The following TIAM1 variants were observed in gnomAD, a reference collection of about 807,000 sequenced individuals.
TIAM1 encodes TIAM Rac1 associated GEF 1.
In TIAM1, 65 loss-of-function variants were observed where a neutral mutation model predicts 163.5. The observed-to-expected ratio is 0.40, with a 90% CI of 0.33 to 0.49. TIAM1 has a LOEUF of 0.49. Ranked by LOEUF, TIAM1 falls within the 20% of genes least tolerant of loss-of-function variation. The pLI is 0.77. For missense variants in TIAM1, 1,789 were observed against 2,044.7 expected (o/e 0.87, Z 2.41); for synonymous variants, 833 against 810.1 (o/e 1.03, Z -0.48).
At chr21:31,358,776 T>A (rs1256596652) in intron 2 of TIAM1, among the ~76,000 whole-genome samples, 1 of 152,174 alleles carries the variant, frequency 6.6e-6, no homozygotes, top group East Asian at 1.9e-4. Flanking sequence ...CTGTTTCCAC[T>A]CTTGTCCTTC....
chr21:31,293,280 T>C (rs542150860), intron 2 of TIAM1, among the ~76,000 whole-genome samples: 1 of 152,254 alleles, frequency 6.6e-6, no homozygotes, highest in Non-Finnish European at 1.5e-5. Flanking sequence ...ACCTCAGTCT[T>C]CTGTCTTAAG....
intron 1 of TIAM1, among the ~76,000 whole-genome samples, chr21:31,539,273 T>C (rs182226712): frequency 1.3e-5 from 2 of 150,066 alleles, no homozygotes; most frequent in Non-Finnish European, 3.0e-5. Flanking sequence ...GGTTACTCTT[T>C]TTTTTTTTTT....
At chr21:31,160,047 A>G (rs1335998186) in intron 16 of TIAM1, among the ~76,000 whole-genome samples, 4 of 152,260 alleles carry the variant, frequency 2.6e-5, no homozygotes, top group Admixed American at 6.5e-5. Context: ...TCACTCGGAC[A>G]GCCCGTTCTG....
intron 12 of TIAM1, among the ~76,000 whole-genome samples, chr21:31,198,861 C>G (rs923741677): frequency 2.0e-5 from 3 of 152,298 alleles, no homozygotes; most frequent in African/African-American, 7.2e-5. Context: ...GACAGGCCCG[C>G]TGGCCACAAC....
chr21:31,291,215 G>A (rs2074007173), intron 2 of TIAM1, among the ~76,000 whole-genome samples: 1 of 152,090 alleles, frequency 6.6e-6, no homozygotes, highest in South Asian at 2.1e-4. Context: ...AAGAAGCCAA[G>A]AAATTTCAGT....
intron 1 of TIAM1, among the ~76,000 whole-genome samples, chr21:31,506,040 C>T (rs916290925): frequency 2.0e-5 from 3 of 148,888 alleles, no homozygotes; most frequent in South Asian, 2.1e-4. Flanking sequence ...AAGGCTGATG[C>T]GCACAACAGG....
At chr21:31,196,716 G>A (rs988729283) in intron 12 of TIAM1, among the ~76,000 whole-genome samples, 27 of 152,068 alleles carry the variant, frequency 1.8e-4, no homozygotes, top group Non-Finnish European at 1.2e-4. Flanking sequence ...TAGAACTACC[G>A]CTTGACGCAG....
Position 31,339,318 on chromosome 21 carries a change from G to C in TIAM1, c.-264C>G, listed in dbSNP as rs946807126. ...CAGGGACTGCTCACATACTAGGTGA[G>C]AGACTAGGATTCAGAGCATTATGCC... On this transcript the variant is annotated 5_prime_UTR_variant, in exon 2 of 28. Coordinates refer to ENST00000541036, the MANE Select transcript of TIAM1 (RefSeq NM_001353694.2). 8 of 398,500 alleles carry C rather than the reference G, an allele frequency of 2.0e-5. No homozygotes were observed. Among genetic ancestry groups the C allele is most frequent in the Non-Finnish European group, 3.1e-5 (7 of 226,076 alleles). The allele number at this position is 398,500 out of a possible 1,614,324, so 24.7% of individuals were successfully genotyped here.
At chr21:31,452,898 C>T in intron 2 of TIAM1, 1 of 516,696 alleles carries the variant, frequency 1.9e-6, no homozygotes, top group South Asian at 1.4e-5. Context: ...TGACGATGTC[C>T]TGAAGACAGG....
intron 1 of TIAM1, among the ~76,000 whole-genome samples, chr21:31,492,088 G>A (rs1321250806): frequency 6.6e-6 from 1 of 152,102 alleles, no homozygotes; most frequent in Non-Finnish European, 1.5e-5. Context: ...GTATGTATAT[G>A]TATATGCATA....
chr21:31,130,097 A>G (rs397783155), intron 25 of TIAM1, 116 bp downstream of exon 25: 34 of 249,906 alleles, frequency 1.4e-4, no homozygotes, highest in South Asian at 3.3e-4. Context: ...AAGCATAGGG[A>G]AAAAAAAAAA....
chr21:31,301,500 T>C (rs1033194379), intron 2 of TIAM1, among the ~76,000 whole-genome samples: 9 of 152,272 alleles, frequency 5.9e-5, no homozygotes, highest in African/African-American at 2.2e-4. Flanking sequence ...TATCCATCCA[T>C]GCTATCTAGG....
At position 31,130,913 on chromosome 21, in the gene TIAM1, C is replaced by A; in HGVS notation, c.3919G>T (p.Gly1307Cys). 1 of 1,613,960 alleles carries A rather than the reference C, an allele frequency of 6.2e-7. No individual in the cohort carries two copies. Among genetic ancestry groups the A allele is most frequent in the African/African-American group, 1.3e-5 (1 of 75,016 alleles). Residue 1307 changes from glycine to cysteine, a missense_variant, in exon 24 of 28, where the codon GGT becomes TGT. Around this residue, in one of 5 missense-constraint regions of TIAM1, gnomAD observed 415 missense variants for 439.2 expected, o/e 0.94. Coordinates refer to ENST00000541036, the MANE Select transcript of TIAM1 (RefSeq NM_001353694.2). ...KTAVVLVYKD[G>C]SKQKKKLVGS... The stretch of plus-strand genomic sequence containing the variant: ...ACAAGTTTCTTCTTCTGTTTGGAAC[C>A]ATCTTTATACACAAGGACCACAGCA...
At chr21:31,152,844 T>A in intron 18 of TIAM1, 83 bp from the exon 19 acceptor site, 8 of 1,506,248 alleles carry the variant, frequency 5.3e-6, no homozygotes, top group Non-Finnish European at 7.1e-6. Flanking sequence ...AAGGTTTTTC[T>A]ATCAATTCTT....
Position 31,141,039 on chromosome 21 carries a change from T to A in TIAM1, c.3774+79A>T, listed in dbSNP as rs1240746444. 3 of 1,153,290 alleles carry A rather than the reference T, an allele frequency of 2.6e-6. No homozygotes were observed. Among genetic ancestry groups the A allele is most frequent in the East Asian group, 2.6e-5 (1 of 39,084 alleles). The allele number at this position is 1,153,290 out of a possible 1,614,324, so 71.4% of individuals were successfully genotyped here. A position where few individuals can be genotyped will look rare whatever the true frequency, so the allele number is the denominator to read the frequency against. ...ATTTTACTTACAAGTAACACCTTTT[T>A]AAAAAATAAATAAATAAATAAAAGC... On this transcript the variant is annotated intron_variant, in intron 22 of 27. Coordinates refer to ENST00000541036, the MANE Select transcript of TIAM1 (RefSeq NM_001353694.2). This position sits in a 1 kb window ranked among gnomAD's most constrained non-coding sequence, Gnocchi z 4.7.
intron 2 of TIAM1, among the ~76,000 whole-genome samples, chr21:31,388,938 G>T (rs2076924532): frequency 6.6e-6 from 1 of 152,212 alleles, no homozygotes; most frequent in Non-Finnish European, 1.5e-5. Context: ...AGAAGCACTG[G>T]CTCTGCTAAG....
chr21:31,548,490 G>GT lies in TIAM1; in HGVS notation c.-422+10436dup, dbSNP rs760538797. 5.4e-3 allele frequency among the ~76,000 whole-genome samples: 693 copies of GT among 128,696 alleles called. 4 individuals are homozygous for GT. Among genetic ancestry groups the GT allele is most frequent in the African/African-American group, 0.011 (393 of 36,086 alleles). 84.4% of individuals were successfully genotyped at this position (128,696 alleles called of 152,430 possible). A position where few individuals can be genotyped will look rare whatever the true frequency, so the allele number is the denominator to read the frequency against. Reference sequence around the variant, plus strand: ...TTCTCAACCTTAACCTTTTGTTGTTGTTTTTTTTTTTTTTTGAGACGAGAG... The same window carrying GT: ...TTCTCAACCTTAACCTTTTGTTGTTGTTTTTTTTTTTTTTTTGAGACGAGAG... On this transcript the variant is annotated intron_variant, in intron 1 of 28. Transcript: ENST00000286827.
At position 31,489,890 on chromosome 21, in the gene TIAM1, G is replaced by A. The variant is rs894218445; in HGVS notation, c.-421-25855C>T. ...AAACTTCCAGAAAAACAAGGTTTCC[G>A]GATCATTACAATTGTCTTTCAGCAG... On this transcript the variant is annotated intron_variant, in intron 1 of 28. Coordinates refer to the TIAM1 transcript ENST00000286827. Among the ~76,000 whole-genome samples the A allele has an allele frequency of 5.3e-5, 8 of 152,236 alleles. No individual in the cohort carries two copies. The East Asian group carries it at 5.8e-4, about 11-fold the overall frequency.
chr21:31,336,855 T>C (rs1025251878), intron 2 of TIAM1, among the ~76,000 whole-genome samples: 7 of 151,840 alleles, frequency 4.6e-5, no homozygotes, highest in Admixed American at 2.0e-4. Context: ...CCAATGGGGG[T>C]AACCAACAAG....
Sources: allele counts gnomAD v4.1 joint callset (sites outside exome capture counted in the v4.1 genomes callset), GRCh38; gene constraint gnomAD v4.1.1; regional missense constraint gnomAD v4.1.1; non-coding constraint Gnocchi (gnomAD v3.1); transcripts MANE v1.5; gene names NCBI Gene and HGNC (gene_info 2026-07-23, HGNC 2026-07-21).